The following C4orf50 variants were observed in gnomAD, a reference collection of about 807,000 sequenced individuals.
C4orf50 encodes the protein uncharacterized protein C4orf50.
Under a neutral mutation model 77.2 loss-of-function variants are expected in C4orf50, and 80 were observed. The ratio of observed to expected loss-of-function variants is 1.04; its 90% CI spans 0.87 to 1.25. C4orf50 has a LOEUF of 1.25. Ranked by LOEUF, C4orf50 falls within the 50% of genes most tolerant of loss-of-function variation. The pLI, the probability that C4orf50 is intolerant of heterozygous loss-of-function variation, is 0.00. For synonymous variants in C4orf50, 532 were observed against 465.3 expected, an observed-to-expected ratio of 1.14 and a Z score of -1.84; for missense variants, 1,257 against 1,152.9, an observed-to-expected ratio of 1.09 and a Z score of -1.31.
intron 25 of C4orf50, among the ~76,000 whole-genome samples, chr4:6,002,381 G>A (rs1179204468): frequency 6.6e-6 from 1 of 152,202 alleles, no homozygotes; most frequent in Non-Finnish European, 1.5e-5. Flanking sequence ...CCAGACCTAG[G>A]AGAGAATAAA....
At position 5,973,698 on chromosome 4, in the gene C4orf50, AG is replaced by A. The variant is rs774255051; in HGVS notation, c.4064del (p.Ala1355ValfsTer25). On this transcript the variant is annotated frameshift_variant, in exon 31 of 34. Transcript: ENST00000531445. LOFTEE classifies it high-confidence loss of function. ...GAGCCAGGAAGGTGGCCGTGTACTC[AG>A]CCAGTGCCACGTCGTTGAGCATGTT... is the stretch of plus-strand genomic sequence containing the variant. 8 of 1,613,898 alleles carry A rather than the reference AG, an allele frequency of 5.0e-6. No individual in the cohort carries two copies. In the African/African-American group the frequency reaches 6.7e-5, roughly 13 times the overall value.
At chr4:5,954,637 C>T (rs1718871606), downstream of C4orf50, among the ~76,000 whole-genome samples, 2 of 152,082 alleles carry the variant, frequency 1.3e-5, no homozygotes, top group South Asian at 4.1e-4. This position sits in a 1 kb window ranked among gnomAD's most constrained non-coding sequence, Gnocchi z 4.7. Context: ...ACGTGCCAGC[C>T]TGTATTCGAT....
At position 6,004,336 on chromosome 4, in the gene C4orf50, GTGATGGTGATGATGACGGTGATGGTGA is replaced by G. The variant is rs1232945105; in HGVS notation, c.963+3633_963+3659del. On this transcript the variant is annotated intron_variant, in intron 25 of 33. Transcript: ENST00000531445. ...TGATGTGATCGTAATGGTGATGATGGTGATGGTGATGATGACGGTGATGGTGATGATGGTGATGGTGATGATGGTGAT... is the reference window on the plus strand; with the variant it reads ...TGATGTGATCGTAATGGTGATGATGGTGATGGTGATGGTGATGATGGTGAT... Among the ~76,000 whole-genome samples the G allele has an allele frequency of 3.2e-3, 346 of 109,614 alleles. 1 individual carries two copies. Among genetic ancestry groups the G allele is most frequent in the East Asian group, 9.0e-3 (23 of 2,560 alleles). The allele number at this position is 109,614 out of a possible 152,430, so 71.9% of individuals were successfully genotyped here.
chr4:6,017,174 G>T lies in C4orf50; in HGVS notation c.287+971C>A, dbSNP rs1384981724. Among the ~76,000 whole-genome samples, 1 of 152,248 alleles carries T rather than the reference G, an allele frequency of 6.6e-6. No homozygotes were observed. Among genetic ancestry groups the T allele is most frequent in the African/African-American group, 2.4e-5 (1 of 41,468 alleles). ...TTCTACAGAGAGAAACGAATGCGGA[G>T]AACCTATTTCAAAGATGACAGCAGA... On this transcript the variant is annotated intron_variant, in intron 23 of 33. Transcript: ENST00000531445. The surrounding 1 kb of genome is among the most constrained non-coding windows in gnomAD (Gnocchi z 4.7).
intron 28 of C4orf50, among the ~76,000 whole-genome samples, chr4:5,984,854 A>G (rs902252240): frequency 5.3e-5 from 8 of 152,026 alleles, no homozygotes; most frequent in Admixed American, 1.3e-4. Flanking sequence ...AGAAGCTAAA[A>G]AAAAAAACCA....
chr4:5,943,512 G>A (rs1483691079), intron 7 of C4orf50, among the ~76,000 whole-genome samples: 1 of 152,208 alleles, frequency 6.6e-6, no homozygotes, highest in Non-Finnish European at 1.5e-5. Flanking sequence ...CCCCAACTGT[G>A]TGATCTTGGG....
At chr4:5,967,036 G>A (rs114645502) in intron 32 of C4orf50, among the ~76,000 whole-genome samples, 2 of 152,292 alleles carry the variant, frequency 1.3e-5, no homozygotes, top group South Asian at 2.1e-4. Context: ...TGACCATGTT[G>A]TATTTCACTG....
intron 7 of C4orf50, among the ~76,000 whole-genome samples, chr4:5,924,974 T>C (rs7684935): frequency 0.75 from 113,203 of 151,434 alleles, 42,406 homozygotes; most frequent in East Asian, 0.83. Context: ...CAGGAGGAAG[T>C]CTGGGAATTC....
intron 24 of C4orf50, among the ~76,000 whole-genome samples, chr4:6,010,089 A>C (rs922949769): frequency 6.6e-6 from 1 of 152,166 alleles, no homozygotes; most frequent in African/African-American, 2.4e-5. Context: ...CACTGTGAAC[A>C]TCATTACAGG....
chr4:5,931,438 G>A (rs1378447774), intron 7 of C4orf50, among the ~76,000 whole-genome samples: 2 of 152,192 alleles, frequency 1.3e-5, no homozygotes, highest in Admixed American at 6.5e-5. Context: ...CAGGTGCGAA[G>A]ATAAAGTGAT....
At chr4:5,948,960 CAAA>C (rs765201490) in intron 7 of C4orf50, among the ~76,000 whole-genome samples, 2 of 87,118 alleles carry the variant, frequency 2.3e-5, no homozygotes, top group African/African-American at 4.5e-5. Flanking sequence ...GACTCCATCT[CAAA>C]AAAAAAAAAA....
chr4:5,941,961 AG>A (rs1459789089), intron 7 of C4orf50, among the ~76,000 whole-genome samples: 14 of 152,300 alleles, frequency 9.2e-5, no homozygotes, highest in Admixed American at 2.6e-4. Context: ...CAGTCCCAAA[AG>A]CGCCTCCAAT....
At chr4:5,944,100 G>T (rs1415947507) in intron 7 of C4orf50, among the ~76,000 whole-genome samples, 1 of 152,162 alleles carries the variant, frequency 6.6e-6, no homozygotes, top group African/African-American at 2.4e-5. Flanking sequence ...GACACACAAA[G>T]CCCTGGCGAG....
Position 5,908,566 on chromosome 4 carries a change from G to A in C4orf50, c.*2475-10378C>T, listed in dbSNP as rs967408628. 9.2e-5 allele frequency among the ~76,000 whole-genome samples: 14 copies of A among 152,062 alleles called. No individual in the cohort carries two copies. The highest frequency in any genetic ancestry group is 4.2e-4 in the South Asian group (2 of 4,812). ...ACTCCAAGCAGGGAGACGACCATGCGATGGGGAGGGGGGAAAGCCCTGGGG... is the reference window on the plus strand; with the variant it reads ...ACTCCAAGCAGGGAGACGACCATGCAATGGGGAGGGGGGAAAGCCCTGGGG... On this transcript the variant is annotated intron_variant, in intron 7 of 7. Transcript: ENST00000324058. The surrounding 1 kb of genome is among the most constrained non-coding windows in gnomAD (Gnocchi z 5.6).
At chr4:5,956,468 C>A (rs1718964510), downstream of C4orf50, among the ~76,000 whole-genome samples, 1 of 152,230 alleles carries the variant, frequency 6.6e-6, no homozygotes, top group Admixed American at 6.5e-5. Context: ...TGTGACCACA[C>A]CCCAGCCCTT....
downstream of C4orf50, among the ~76,000 whole-genome samples, chr4:5,954,655 T>A (rs910942651): frequency 6.6e-6 from 1 of 152,020 alleles, no homozygotes; most frequent in African/African-American, 2.4e-5. This position sits in a 1 kb window ranked among gnomAD's most constrained non-coding sequence, Gnocchi z 4.7. Context: ...GATTCGTTCA[T>A]TTTAAAAAGG....
At chr4:6,006,867 C>A (rs1221211168) in intron 25 of C4orf50, among the ~76,000 whole-genome samples, 1 of 152,164 alleles carries the variant, frequency 6.6e-6, no homozygotes, top group Non-Finnish European at 1.5e-5. Context: ...AGCTCACAGT[C>A]TAAAGAGGGA....
Position 5,949,989 on chromosome 4 carries a change from C to CAAA in C4orf50, c.*2474+6909_*2474+6911dup, listed in dbSNP as rs374177600. Reference sequence around the variant, plus strand: ...GGGCAACAAGAGTGAAACTCCATCTCAAAAAAAAAAAAAAAAAGGTTAAAA... The same window carrying CAAA: ...GGGCAACAAGAGTGAAACTCCATCTCAAAAAAAAAAAAAAAAAAAAGGTTAAAA... On this transcript the variant is annotated intron_variant, in intron 7 of 7. Coordinates refer to the C4orf50 transcript ENST00000324058. 2.4e-3 allele frequency among the ~76,000 whole-genome samples: 282 copies of CAAA among 115,344 alleles called. 3 individuals are homozygous for CAAA. The highest frequency in any genetic ancestry group is 7.5e-3 in the African/African-American group (242 of 32,144). The allele number at this position is 115,344 out of a possible 152,430, so 75.7% of individuals were successfully genotyped here.
In C4orf50 at chr4:5,992,377, G is replaced by A. The variant is rs1487334152; in HGVS notation, c.1221+426C>T. Among the ~76,000 whole-genome samples the A allele has an allele frequency of 4.6e-5, 7 of 152,056 alleles. No homozygotes were observed. ...CGAGCCATGGGAGGTGAGTTGGGACGCAGGCTCCTGACCCTCAGGGCCAGC... is the reference window on the plus strand; with the variant it reads ...CGAGCCATGGGAGGTGAGTTGGGACACAGGCTCCTGACCCTCAGGGCCAGC... On this transcript the variant is annotated intron_variant, in intron 27 of 33. Transcript: ENST00000531445. This position sits in a 1 kb window ranked among gnomAD's most constrained non-coding sequence, Gnocchi z 5.0.
Sources: gnomAD v4.1 joint callset for allele counts (sites outside exome capture counted in the v4.1 genomes callset) on GRCh38, gnomAD v4.1.1 for gene constraint, Gnocchi (gnomAD v3.1) non-coding constraint, MANE v1.5 for transcripts, NCBI Gene and HGNC (gene_info 2026-07-23, HGNC 2026-07-21) for gene names.